The following NAT14 variants were observed in gnomAD, a reference collection of about 807,000 sequenced individuals.
The protein encoded by NAT14 is N-acetyltransferase 14 (putative).
Under a neutral mutation model 12.1 loss-of-function variants are expected in NAT14, and 14 were observed. The ratio of observed to expected loss-of-function variants is 1.16; its 90% confidence interval spans 0.76 to 1.81. NAT14 has a LOEUF of 1.81. Ranked by LOEUF, NAT14 falls within the 40% of genes most tolerant of loss-of-function variation. The probability of loss-of-function intolerance (pLI) is 0.00; values close to 1 mark genes in which losing one functional copy is unlikely to be tolerated. For synonymous variants in NAT14, 156 were observed against 145.1 expected, an observed-to-expected ratio of 1.08 and a Z score of -0.54; for missense variants, 341 against 304.3, an observed-to-expected ratio of 1.12 and a Z score of -0.90.
At chr19:55,485,310 AG>A (rs1028827218) in intron 1 of NAT14, 52 bp downstream of exon 1, 10 of 187,836 alleles carry the variant, frequency 5.3e-5, no homozygotes, top group African/African-American at 9.4e-5. Context: ...ACTGTGGGGG[AG>A]GGGGCGCTGG....
At position 55,487,308 on chromosome 19, in the gene NAT14, G is replaced by C. The variant is rs1986956314; in HGVS notation, c.*352G>C. On this transcript the variant is annotated 3_prime_UTR_variant, in exon 3 of 3. Transcript: ENST00000205194. Reference sequence around the variant, plus strand: ...GCTGTCCGTGCCCCAGGCTGGGAGAGCTATCTGGGGAGGGGGAGAGGAGGC... The same window carrying C: ...GCTGTCCGTGCCCCAGGCTGGGAGACCTATCTGGGGAGGGGGAGAGGAGGC... 3 of 432,370 alleles carry C rather than the reference G, an allele frequency of 6.9e-6. No homozygotes were observed. The East Asian group carries it at 1.1e-4, about 15-fold the overall frequency. The allele number at this position is 432,370 out of a possible 1,614,324, so 26.8% of individuals were successfully genotyped here.
intron 2 of NAT14, 123 bp from the exon 3 acceptor site, chr19:55,486,285 G>A: frequency 1.5e-6 from 2 of 1,298,358 alleles, no homozygotes; most frequent in East Asian, 2.9e-5. Context: ...ACTGAACATC[G>A]GACTGTGCTG....
At position 55,487,468 on chromosome 19, in the gene NAT14, C is replaced by G. The variant is rs1259947694; in HGVS notation, c.*512C>G. 5.0e-6 allele frequency: 2 copies of G among 397,728 alleles called. No individual in the cohort carries two copies. Among genetic ancestry groups the G allele is most frequent in the Admixed American group, 4.4e-5 (1 of 22,878 alleles). The allele number at this position is 397,728 out of a possible 1,614,324, so 24.6% of individuals were successfully genotyped here. On this transcript the variant is annotated 3_prime_UTR_variant, in exon 3 of 3. Coordinates refer to ENST00000205194, the MANE Select transcript of NAT14 (RefSeq NM_020378.4). ...GACGCACAGGGCTGCCAGGCCTGGC[C>G]CCTCTCTGGGAAGGTTGAGAGCTGA...
chr19:55,486,422 C>A lies in NAT14; in HGVS notation c.87C>A (p.Asp29Glu). The A allele has an allele frequency of 1.3e-6, 2 of 1,487,104 alleles. No homozygotes were observed. Among genetic ancestry groups the A allele is most frequent in the Non-Finnish European group, 1.8e-6 (2 of 1,127,492 alleles). The allele number at this position is 1,487,104 out of a possible 1,614,324, so 92.1% of individuals were successfully genotyped here. ...CCTGCCCACAGGCCGGCGTGAAGGACACGGAAAACCGCGTGGCCCTCCATG... is the reference window on the plus strand; with the variant it reads ...CCTGCCCACAGGCCGGCGTGAAGGAAACGGAAAACCGCGTGGCCCTCCATG... ...VLEMLKAGVK[D>E]TENRVALHAL... Residue 29 changes from aspartate (D) to glutamate (E), a missense_variant, in exon 3 of 3, where the codon GAC becomes GAA. Transcript: ENST00000205194.
At position 55,487,300 on chromosome 19, in the gene NAT14, C is replaced by A; in HGVS notation, c.*344C>A. 1 of 432,680 alleles carries A rather than the reference C, an allele frequency of 2.3e-6. No individual in the cohort carries two copies. Among genetic ancestry groups the A allele is most frequent in the East Asian group, 3.5e-5 (1 of 28,320 alleles). The allele number at this position is 432,680 out of a possible 1,614,324, so 26.8% of individuals were successfully genotyped here. On this transcript the variant is annotated 3_prime_UTR_variant, in exon 3 of 3. Transcript: ENST00000205194. ...AAGTCTGTGCTGTCCGTGCCCCAGGCTGGGAGAGCTATCTGGGGAGGGGGA... is the reference window on the plus strand; with the variant it reads ...AAGTCTGTGCTGTCCGTGCCCCAGGATGGGAGAGCTATCTGGGGAGGGGGA...
chr19:55,487,539 A>T lies in NAT14; in HGVS notation c.*583A>T, dbSNP rs1986965823. On this transcript the variant is annotated 3_prime_UTR_variant, in exon 3 of 3. Coordinates refer to ENST00000205194, the MANE Select transcript of NAT14 (RefSeq NM_020378.4). The stretch of plus-strand genomic sequence containing the variant: ...CCTCCAGATCCGTCTGGTTTTTTAC[A>T]CCGTTTGTTAATAAAGCCTGAAACC... The T allele has an allele frequency of 2.6e-6, 1 of 389,862 alleles. No homozygotes were observed. The highest frequency in any genetic ancestry group is 1.4e-4 in the South Asian group (1 of 6,950). 24.2% of individuals were successfully genotyped at this position (389,862 alleles called of 1,614,324 possible). A position where few individuals can be genotyped will look rare whatever the true frequency, so the allele number is the denominator to read the frequency against.
chr19:55,486,911 C>G lies in NAT14; in HGVS notation c.576C>G (p.Gly192=). 6 of 1,560,204 alleles carry G rather than the reference C, an allele frequency of 3.8e-6. No homozygotes were observed. Among genetic ancestry groups the G allele is most frequent in the Non-Finnish European group, 5.2e-6 (6 of 1,160,738 alleles). Residue 192 remains glycine (G), a synonymous_variant, in exon 3 of 3, where the codon GGC becomes GGG. Transcript: ENST00000205194. ...GCTACCAGGCCGAGGGGGGCTGGGG[C>G]TGCCTGGGCTACACGCTGGTGAGGG... ...GCGYQAEGGW[G]CLGYTLVREF...
chr19:55,485,539 TG>T (rs1986891958), intron 1 of NAT14, 121 bp from the exon 2 acceptor site: 3 of 585,830 alleles, frequency 5.1e-6, no homozygotes, highest in South Asian at 2.2e-5. Flanking sequence ...GATCCTCGCT[TG>T]GGGGCCCCGA....
intron 2 of NAT14, 173 bp downstream of exon 2, chr19:55,485,953 G>A (rs902596585): frequency 3.3e-5 from 21 of 634,426 alleles, no homozygotes; most frequent in Non-Finnish European, 5.3e-5. Flanking sequence ...GTGGCAGGTG[G>A]GGGCTCACCC....
Position 55,486,640 on chromosome 19 carries a change from G to T in NAT14, c.305G>T (p.Arg102Leu). Reference sequence around the variant, plus strand: ...CTGGGGGGCCCCTGGGTGGCCGTGCGGGGCTCCGGTGACGTGTGTGGGGTC... The same window carrying T: ...CTGGGGGGCCCCTGGGTGGCCGTGCTGGGCTCCGGTGACGTGTGTGGGGTC... ...GGLGGPWVAV[R>L]GSGDVCGVLA... Residue 102 changes from arginine (R) to leucine (L), a missense_variant, in exon 3 of 3, where the codon CGG (arginine) becomes CTG (leucine). By Grantham distance (102) the Arg-to-Leu change is moderately radical. Transcript: ENST00000205194. 1 of 1,513,996 alleles carries T rather than the reference G, an allele frequency of 6.6e-7. No homozygotes were observed. The highest frequency in any genetic ancestry group is 2.5e-5 in the East Asian group (1 of 39,948). The allele number at this position is 1,513,996 out of a possible 1,614,324, so 93.8% of individuals were successfully genotyped here.
Position 55,486,423 on chromosome 19 carries a change from A to C in NAT14, c.88A>C (p.Thr30Pro). ...CTGCCCACAGGCCGGCGTGAAGGACACGGAAAACCGCGTGGCCCTCCATGC... is the reference window on the plus strand; with the variant it reads ...CTGCCCACAGGCCGGCGTGAAGGACCCGGAAAACCGCGTGGCCCTCCATGC... ...LEMLKAGVKD[T>P]ENRVALHALT... The change falls in exon 3 of 3, where the codon ACG becomes CCG. Residue 30 changes from threonine (T) to proline (P), a missense_variant. Physicochemically the swap from Thr to Pro is conservative, Grantham distance 38. Coordinates refer to ENST00000205194, the MANE Select transcript of NAT14 (RefSeq NM_020378.4). The C allele has an allele frequency of 6.7e-7, 1 of 1,488,138 alleles. No homozygotes were observed. The highest frequency in any genetic ancestry group is 8.9e-7 in the Non-Finnish European group (1 of 1,128,012). The allele number at this position is 1,488,138 out of a possible 1,614,324, so 92.2% of individuals were successfully genotyped here.
intron 1 of NAT14, among the ~76,000 whole-genome samples, chr19:55,485,460 G>A (rs1022448310): frequency 1.3e-5 from 2 of 149,682 alleles, no homozygotes; most frequent in East Asian, 4.0e-4. Flanking sequence ...TGAATAATAC[G>A]GGGGAGGGGG....
rs1350143723 is a variant in NAT14, at chr19:55,486,407, G to T, written c.73-1G>T. Reference sequence around the variant, plus strand: ...GGCTGAGCCACCCCTCCTGCCCACAGGCCGGCGTGAAGGACACGGAAAACC... The same window carrying T: ...GGCTGAGCCACCCCTCCTGCCCACATGCCGGCGTGAAGGACACGGAAAACC... On this transcript the variant is annotated splice_acceptor_variant, in intron 2 of 2. Coordinates refer to ENST00000205194, the MANE Select transcript of NAT14 (RefSeq NM_020378.4). LOFTEE classifies it high-confidence loss of function. The T allele has an allele frequency of 6.2e-6, 9 of 1,455,744 alleles. No individual in the cohort carries two copies. The highest frequency in any genetic ancestry group is 8.1e-6 in the Non-Finnish European group (9 of 1,110,208). The allele number at this position is 1,455,744 out of a possible 1,614,324, so 90.2% of individuals were successfully genotyped here. A position where few individuals can be genotyped will look rare whatever the true frequency, so the allele number is the denominator to read the frequency against.
Position 55,486,742 on chromosome 19 carries a change from G to C in NAT14, c.407G>C (p.Arg136Pro). 1.4e-6 allele frequency: 2 copies of C among 1,413,972 alleles called. No homozygotes were observed. The highest frequency in any genetic ancestry group is 1.8e-6 in the Non-Finnish European group (2 of 1,095,478). 87.6% of individuals were successfully genotyped at this position (1,413,972 alleles called of 1,614,324 possible). Residue 136 changes from arginine to proline, a missense_variant, in exon 3 of 3, where the codon CGC (arginine) becomes CCC (proline). Arg to Pro is a moderately radical substitution (Grantham distance 103). Transcript: ENST00000205194. ...CTGTCTGTCTCTCGCTGGCACCGCC[G>C]CCGGGGCGTGGGCAGGAGGCTGCTG... ...TRLSVSRWHR[R>P]RGVGRRLLAF...
chr19:55,487,228 C>A lies in NAT14; in HGVS notation c.*272C>A, dbSNP rs973967775. 3 of 527,010 alleles carry A rather than the reference C, an allele frequency of 5.7e-6. No homozygotes were observed. In the African/African-American group the frequency reaches 6.1e-5, roughly 11 times the overall value. The allele number at this position is 527,010 out of a possible 1,614,324, so 32.6% of individuals were successfully genotyped here. ...TCGAGGTCAGCCTCTCCAACCCCTACCTCAGCTCCTGTCTGCACTGAGAAA... is the reference window on the plus strand; with the variant it reads ...TCGAGGTCAGCCTCTCCAACCCCTAACTCAGCTCCTGTCTGCACTGAGAAA... On this transcript the variant is annotated 3_prime_UTR_variant, in exon 3 of 3. Transcript: ENST00000205194.
At chr19:55,485,546 C>G in intron 1 of NAT14, 115 bp from the exon 2 acceptor site, 1 of 602,714 alleles carries the variant, frequency 1.7e-6, no homozygotes. Context: ...GCTTGGGGGC[C>G]CCGAGGGTTC....
Position 55,487,253 on chromosome 19 carries a change from ACCT to A in NAT14, c.*300_*302del. 1 of 453,792 alleles carries A rather than the reference ACCT, an allele frequency of 2.2e-6. No individual in the cohort carries two copies. The highest frequency in any genetic ancestry group is 3.8e-6 in the Non-Finnish European group (1 of 260,272). 28.1% of individuals were successfully genotyped at this position (453,792 alleles called of 1,614,324 possible). A position where few individuals can be genotyped will look rare whatever the true frequency, so the allele number is the denominator to read the frequency against. On this transcript the variant is annotated 3_prime_UTR_variant, in exon 3 of 3. Coordinates refer to ENST00000205194, the MANE Select transcript of NAT14 (RefSeq NM_020378.4). ...CCTCAGCTCCTGTCTGCACTGAGAA[ACCT>A]CCCCGGGTGATGTCTGCAAAGTCTG...
Position 55,486,532 on chromosome 19 carries a change from T to C in NAT14, c.197T>C (p.Leu66Pro). 1 of 1,588,390 alleles carries C rather than the reference T, an allele frequency of 6.3e-7. No homozygotes were observed. Among genetic ancestry groups the C allele is most frequent in the East Asian group, 2.3e-5 (1 of 43,728 alleles). The change falls in exon 3 of 3, where the codon CTC (leucine) becomes CCC (proline). Residue 66 changes from leucine to proline, a missense_variant. Coordinates refer to ENST00000205194, the MANE Select transcript of NAT14 (RefSeq NM_020378.4). ...GTCCTGGCTTCCTTCGCCCTGGCCCTCCTCCTGCCGGTGTTCCTGGCTGTG... is the reference window on the plus strand; with the variant it reads ...GTCCTGGCTTCCTTCGCCCTGGCCCCCCTCCTGCCGGTGTTCCTGGCTGTG... ...RFVLASFALA[L>P]LLPVFLAVAA...
intron 1 of NAT14, among the ~76,000 whole-genome samples, 172 bp downstream of exon 1, chr19:55,485,430 C>G (rs1271447571): frequency 6.7e-6 from 1 of 150,364 alleles, no homozygotes; most frequent in Non-Finnish European, 1.5e-5. Flanking sequence ...GTCCGCAGCG[C>G]GTTTGGGAGT....
Sources: allele counts gnomAD v4.1 joint callset (sites outside exome capture counted in the v4.1 genomes callset), GRCh38; gene constraint gnomAD v4.1.1; transcripts MANE v1.5; gene names NCBI Gene and HGNC (gene_info 2026-07-23, HGNC 2026-07-21).